The following LMO7 variants were observed in gnomAD, a reference collection of about 807,000 sequenced individuals.
LMO7 encodes LIM domain only protein 7.
LMO7 carries 120 observed loss-of-function variants against 206.5 expected under a neutral mutation model. That is an observed-to-expected ratio of 0.58 (90% CI 0.50 to 0.68). The LOEUF (loss-of-function observed/expected upper bound fraction) is 0.68, where lower values mean the gene tolerates loss of function less well. Ranked by LOEUF, LMO7 falls within the 30% of genes least tolerant of loss-of-function variation. The pLI, the probability that LMO7 is intolerant of heterozygous loss-of-function variation, is 0.00. For missense variants in LMO7, 1,959 were observed against 1,957.9 expected (o/e 1.00, Z -0.01); for synonymous variants, 706 against 681.5 (o/e 1.04, Z -0.56).
intron 1 of LMO7, among the ~76,000 whole-genome samples, chr13:75,703,739 T>TGTGTGTGTGTGTGTGTGTGCGC (rs57290262): frequency 4.0e-5 from 6 of 151,674 alleles, no homozygotes; most frequent in African/African-American, 1.5e-4. Flanking sequence ...TGTGTGTGTG[T>TGTGTGTGTGTGTGTGTGTGCGC]GCACTGTGAG....
intron 2 of LMO7, among the ~76,000 whole-genome samples, chr13:75,720,649 C>A (rs1276030900): frequency 6.6e-6 from 1 of 152,174 alleles, no homozygotes; most frequent in Non-Finnish European, 1.5e-5. Flanking sequence ...ACTATTCAAG[C>A]TTTGCTAGAC....
At chr13:75,687,807 G>C (rs2041140533) in intron 1 of LMO7, among the ~76,000 whole-genome samples, 2 of 152,096 alleles carry the variant, frequency 1.3e-5, no homozygotes, top group Admixed American at 1.3e-4. Context: ...ATTATGAACA[G>C]CAATCTTAAA....
At chr13:75,849,360 C>A in intron 27 of LMO7, 68 bp downstream of exon 27, 1 of 1,245,734 alleles carries the variant, frequency 8.0e-7, no homozygotes, top group Non-Finnish European at 1.2e-6. Flanking sequence ...TGTAGACATC[C>A]TGGTGCTTTG....
chr13:75,707,647 A>G (rs1314787995), intron 1 of LMO7, among the ~76,000 whole-genome samples: 2 of 152,122 alleles, frequency 1.3e-5, no homozygotes, highest in Admixed American at 6.6e-5. Flanking sequence ...TTGTGGTAAC[A>G]TTTTATATTA....
At position 75,823,773 on chromosome 13, in the gene LMO7, C is replaced by T. The variant is rs371048028; in HGVS notation, c.2849C>T (p.Ala950Val). 7.7e-4 allele frequency: 1,246 copies of T among 1,614,080 alleles called. 18 individuals are homozygous for T. The South Asian group carries it at 0.012, about 15-fold the overall frequency. The change falls in exon 15 of 31, where the codon GCC becomes GTC. Residue 950 changes from alanine to valine, a missense_variant. Transcript: ENST00000377534. Reference protein sequence around the residue: ...PFSSLSQDQAATSKATLSSTS... With the variant: ...PFSSLSQDQAVTSKATLSSTS... ...TCATCTCTTTCCCAAGACCAGGCTG[C>T]CACTTCTAAAGCCACATTGTCTTCC...
At chr13:75,802,183 G>A (rs1467552450) in intron 7 of LMO7, among the ~76,000 whole-genome samples, 1 of 152,084 alleles carries the variant, frequency 6.6e-6, no homozygotes, top group African/African-American at 2.4e-5. Flanking sequence ...TATTAAGCAT[G>A]GTAACAAAAA....
intron 4 of LMO7, among the ~76,000 whole-genome samples, chr13:75,775,208 G>A (rs1001189499): frequency 6.6e-6 from 1 of 152,010 alleles, no homozygotes; most frequent in Non-Finnish European, 1.5e-5. Flanking sequence ...TCTCGGCAGG[G>A]AAAGGGCACC....
chr13:75,805,886 G>A (rs190933268), intron 9 of LMO7, 126 bp downstream of exon 9: 52 of 1,156,674 alleles, frequency 4.5e-5, no homozygotes, highest in East Asian at 2.6e-4. Context: ...TAGTATCTGC[G>A]GAACCTATAT....
At chr13:75,625,014 T>G (rs1165904719) in intron 2 of LMO7, among the ~76,000 whole-genome samples, 1 of 152,334 alleles carries the variant, frequency 6.6e-6, no homozygotes, top group East Asian at 1.9e-4. Flanking sequence ...ATGCTGCCTG[T>G]GTTGAGGTTT....
At chr13:75,688,842 A>C (rs1342790242) in intron 1 of LMO7, 1 of 152,052 alleles carries the variant, frequency 6.6e-6, no homozygotes, top group Non-Finnish European at 1.5e-5. Flanking sequence ...CTGATGCCAA[A>C]ATTGAATAAG....
chr13:75,841,917 C>G lies in LMO7; in HGVS notation c.3965C>G (p.Ala1322Gly), dbSNP rs765653292. Reference protein sequence around the residue: ...QAEAEEQKRPAEEQKRQAEIE... With the variant: ...QAEAEEQKRPGEEQKRQAEIE... Reference sequence around the variant, plus strand: ...GAGGCTGAGGAGCAGAAGCGTCCTGCGGAGGAGCAGAAGCGCCAGGCAGAG... The same window carrying G: ...GAGGCTGAGGAGCAGAAGCGTCCTGGGGAGGAGCAGAAGCGCCAGGCAGAG... Residue 1322 changes from alanine (A) to glycine (G), a missense_variant, in exon 24 of 31, where the codon GCG (alanine) becomes GGG (glycine). Physicochemically the swap from Ala to Gly is moderately conservative, Grantham distance 60. Coordinates refer to ENST00000377534, the MANE Select transcript of LMO7 (RefSeq NM_001306080.2). 2 of 1,613,522 alleles carry G rather than the reference C, an allele frequency of 1.2e-6. No individual in the cohort carries two copies. The highest frequency in any genetic ancestry group is 4.5e-5 in the East Asian group (2 of 44,888).
rs373742063 is a variant in LMO7, at chr13:75,841,121, C to A, written c.3595C>A (p.Arg1199Ser). The A allele has an allele frequency of 1.2e-6, 2 of 1,608,428 alleles. No homozygotes were observed. Among genetic ancestry groups the A allele is most frequent in the South Asian group, 2.2e-5 (2 of 90,758 alleles). ...QDRLLQEKYQ[R>S]EQEKLREEWQ... ...TATTTTCTTATAGGAAAAATATCAACGTGAGCAGGAGAAACTGAGGGAAGA... is the reference window on the plus strand; with the variant it reads ...TATTTTCTTATAGGAAAAATATCAAAGTGAGCAGGAGAAACTGAGGGAAGA... Residue 1199 changes from arginine to serine, a missense_variant, in exon 23 of 31, where the codon CGT (arginine) becomes AGT (serine). By Grantham distance (110) the Arg-to-Ser change is moderately radical. Transcript: ENST00000377534.
At chr13:75,801,927 A>C (rs685964) in intron 7 of LMO7, among the ~76,000 whole-genome samples, 2 of 151,500 alleles carry the variant, frequency 1.3e-5, no homozygotes, top group Admixed American at 1.3e-4. Flanking sequence ...ATGTTTTACT[A>C]TGCATGCTTT....
In LMO7 at chr13:75,849,045, T is replaced by G. The variant is rs565829033; in HGVS notation, c.4151-34T>G. ...CATCACTGTCACTTTTAAAAGGTAC[T>G]AATCCCAAAGCTTTTGATTTGTTTT... On this transcript the variant is annotated intron_variant, in intron 26 of 30. Coordinates refer to ENST00000377534, the MANE Select transcript of LMO7 (RefSeq NM_001306080.2). 11 of 1,313,012 alleles carry G rather than the reference T, an allele frequency of 8.4e-6. No homozygotes were observed. In the African/African-American group the frequency reaches 1.6e-4, roughly 19 times the overall value. 81.3% of individuals were successfully genotyped at this position (1,313,012 alleles called of 1,614,324 possible).
intron 4 of LMO7, among the ~76,000 whole-genome samples, chr13:75,776,907 T>C (rs1040154885): frequency 6.6e-6 from 1 of 152,228 alleles, no homozygotes; most frequent in East Asian, 1.9e-4. Flanking sequence ...TTTTAAGAAA[T>C]GTTCCTTTGT....
intron 11 of LMO7, among the ~76,000 whole-genome samples, chr13:75,810,592 T>C (rs2056242071): frequency 1.3e-5 from 2 of 152,276 alleles, no homozygotes; most frequent in African/African-American, 4.8e-5. Flanking sequence ...ATAGGAAAGC[T>C]GTTTTAACTT....
chr13:75,813,399 T>C (rs1330347605), intron 11 of LMO7, among the ~76,000 whole-genome samples: 1 of 152,190 alleles, frequency 6.6e-6, no homozygotes, highest in East Asian at 1.9e-4. Flanking sequence ...TAACAATCCC[T>C]TCCTCACTTA....
intron 1 of LMO7, among the ~76,000 whole-genome samples, chr13:75,672,762 A>C (rs568261059): frequency 6.6e-6 from 1 of 151,904 alleles, no homozygotes; most frequent in Non-Finnish European, 1.5e-5. Flanking sequence ...CAAAGATGAA[A>C]ATGATATCTC....
Position 75,819,452 on chromosome 13 carries a change from A to G in LMO7, c.2124A>G (p.Lys708=). 1.2e-6 allele frequency: 2 copies of G among 1,613,146 alleles called. No homozygotes were observed. The highest frequency in any genetic ancestry group is 1.3e-5 in the African/African-American group (1 of 74,948). Reference sequence around the variant, plus strand: ...ACACTTCAGATCTGCAGAAGAAAAAAGAAGAGAGAGAAGAAATTGAAAAGC... The same window carrying G: ...ACACTTCAGATCTGCAGAAGAAAAAGGAAGAGAGAGAAGAAATTGAAAAGC... ...KSYTSDLQKK[K]EEREEIEKQA... The change falls in exon 13 of 31, where the codon AAA becomes AAG. Residue 708 remains lysine (K), a synonymous_variant. Coordinates refer to ENST00000377534, the MANE Select transcript of LMO7 (RefSeq NM_001306080.2).
Sources: allele counts gnomAD v4.1 joint callset (sites outside exome capture counted in the v4.1 genomes callset), GRCh38; gene constraint gnomAD v4.1.1; transcripts MANE v1.5; gene names NCBI Gene and HGNC (gene_info 2026-07-23, HGNC 2026-07-21).